BLTP1: variants seen among roughly 807,000 people sequenced by gnomAD.
BLTP1 encodes bridge-like lipid transfer protein family member 1.
the BLTP1 span, chr4:122,169,948 C>G: frequency 1.0e-6 from 1 of 985,072 alleles, no homozygotes; most frequent in Non-Finnish European, 1.2e-6. Flanking sequence ...GGCTTTGGGA[C>G]AAGTCTGGAT....
At chr4:122,348,777 G>T in the BLTP1 span, 1 of 1,150,654 alleles carries the variant, frequency 8.7e-7, no homozygotes, top group Non-Finnish European at 1.2e-6. Flanking sequence ...TTCTTCTACT[G>T]TAGTAAAGAT....
the BLTP1 span, chr4:122,273,295 C>G: frequency 1.0e-6 from 1 of 982,024 alleles, no homozygotes. Context: ...TTATTATTTA[C>G]TCAAAAAACT....
At chr4:122,316,580 A>G in the BLTP1 span, 2 of 1,019,434 alleles carry the variant, frequency 2.0e-6, no homozygotes, top group Non-Finnish European at 3.0e-6. Context: ...TCCTTATGAA[A>G]TTGAAGGGAT....
chr4:122,152,501 CG>C, the BLTP1 span: 1 of 985,774 alleles, frequency 1.0e-6, no homozygotes, highest in Non-Finnish European at 1.2e-6. Flanking sequence ...CTGCTGCCGT[CG>C]CCGCCCCTGC....
the BLTP1 span, among the ~76,000 whole-genome samples, chr4:122,159,897 T>G: frequency 6.6e-6 from 1 of 152,256 alleles, no homozygotes; most frequent in South Asian, 2.1e-4. Context: ...TCTGTTGGGC[T>G]TTAGAACTAG....
At chr4:122,262,148 T>TTGTGTG in the BLTP1 span, among the ~76,000 whole-genome samples, 20,426 of 133,270 alleles carry the variant, frequency 0.15, 1,740 homozygotes, top group East Asian at 0.23. Flanking sequence ...TACAGATCCT[T>TTGTGTG]TGTGTGTGTG....
chr4:122,238,636 C>T, the BLTP1 span, among the ~76,000 whole-genome samples: 2 of 152,174 alleles, frequency 1.3e-5, no homozygotes, highest in African/African-American at 4.8e-5. Flanking sequence ...CAGATATTAT[C>T]CTTCTAGTCT....
chr4:122,362,350 A>G, the BLTP1 span: 2 of 905,894 alleles, frequency 2.2e-6, no homozygotes, highest in Non-Finnish European at 3.2e-6. Flanking sequence ...AAATAATTCT[A>G]AATTTGTGGC....
At chr4:122,218,495 T>C in the BLTP1 span, among the ~76,000 whole-genome samples, 2 of 152,190 alleles carry the variant, frequency 1.3e-5, no homozygotes, top group East Asian at 3.8e-4. Context: ...CATTATTTCC[T>C]ATGAAAAGAT....
At chr4:122,346,564 C>T in the BLTP1 span, 1 of 1,573,658 alleles carries the variant, frequency 6.4e-7, no homozygotes. Context: ...TTATACCTAC[C>T]ATGTGAAAAC....
At chr4:122,300,932 A>AAT in the BLTP1 span, 24 of 982,642 alleles carry the variant, frequency 2.4e-5, no homozygotes, top group Non-Finnish European at 2.9e-5. Context: ...AAAAAAAAAA[A>AAT]ATGCTCTCTT....
At chr4:122,299,741 C>T in the BLTP1 span, 1 of 924,480 alleles carries the variant, frequency 1.1e-6, no homozygotes, top group East Asian at 1.2e-4. Flanking sequence ...CAAATACACA[C>T]ATACATATAT....
At chr4:122,298,149 ATTC>A in the BLTP1 span, 1 of 732,010 alleles carries the variant, frequency 1.4e-6, no homozygotes, top group Non-Finnish European at 1.7e-6. Flanking sequence ...ATTTGTTTTG[ATTC>A]TTATTACTTA....
At chr4:122,152,338 C>T in the BLTP1 span, 31 of 985,582 alleles carry the variant, frequency 3.1e-5, no homozygotes, top group South Asian at 4.7e-5. Context: ...GGCGCAGTGC[C>T]GCCCGGCCTC....
the BLTP1 span, chr4:122,262,809 G>C: frequency 6.2e-7 from 1 of 1,612,992 alleles, no homozygotes; most frequent in Non-Finnish European, 8.5e-7. Context: ...TGGAGACACT[G>C]CCACTGATTC....
At chr4:122,308,282 A>T in the BLTP1 span, 28 of 1,063,306 alleles carry the variant, frequency 2.6e-5, no homozygotes, top group Non-Finnish European at 3.8e-5. Flanking sequence ...TTTAGTAGGT[A>T]GCAAGTAAGA....
chr4:122,251,122 CCT>C, the BLTP1 span: 1 of 984,128 alleles, frequency 1.0e-6, no homozygotes, highest in East Asian at 1.1e-4. Context: ...TAACTGGTGA[CCT>C]GGGGCAAGTT....
At chr4:122,238,072 C>G in the BLTP1 span, 3 of 1,609,518 alleles carry the variant, frequency 1.9e-6, no homozygotes, top group Non-Finnish European at 1.7e-6. Flanking sequence ...GTTCACTTAA[C>G]CCACCTTTTG....
At chr4:122,193,873 T>A in the BLTP1 span, among the ~76,000 whole-genome samples, 1 of 152,264 alleles carries the variant, frequency 6.6e-6, no homozygotes, top group East Asian at 1.9e-4. Flanking sequence ...GTATATTCTT[T>A]TTTTTTTGAG....
Sources: allele counts gnomAD v4.1 joint callset (sites outside exome capture counted in the v4.1 genomes callset), GRCh38; gene constraint gnomAD v4.1.1; transcripts MANE v1.5; gene names NCBI Gene and HGNC (gene_info 2026-07-23, HGNC 2026-07-21).